The following SEPTIN9 variants were observed in gnomAD, a reference collection of about 807,000 sequenced individuals.
The protein encoded by SEPTIN9 is septin 9, also known as septin-9.
In SEPTIN9, 13 loss-of-function variants were observed where a neutral mutation model predicts 56.6. The ratio of observed to expected loss-of-function variants is 0.23; its 90% CI spans 0.15 to 0.37. SEPTIN9 has a LOEUF of 0.37. SEPTIN9 is among the 10% of genes least tolerant of loss of function. SEPTIN9 has a pLI of 1.00. For synonymous variants in SEPTIN9, 332 were observed against 334.1 expected, an observed-to-expected ratio of 0.99 and a Z score of 0.07; for missense variants, 650 against 823.1, an observed-to-expected ratio of 0.79 and a Z score of 2.57.
intron 3 of SEPTIN9, among the ~76,000 whole-genome samples, chr17:77,479,108 T>C (rs2039342310): frequency 6.6e-6 from 1 of 152,248 alleles, no homozygotes; most frequent in Non-Finnish European, 1.5e-5. Flanking sequence ...ACAATGCGAA[T>C]GTACTTAACA....
At chr17:77,490,715 A>G in intron 7 of SEPTIN9, 27 bp from the exon 8 acceptor site, 1 of 1,509,940 alleles carries the variant, frequency 6.6e-7, no homozygotes, top group Non-Finnish European at 9.0e-7. Context: ...CCCCCAGATG[A>G]GCCTCACGCA....
At position 77,425,504 on chromosome 17, in the gene SEPTIN9, G is replaced by A. The variant is rs151154517; in HGVS notation, c.721+22801G>A. Among the ~76,000 whole-genome samples, 6 of 152,178 alleles carry A rather than the reference G, an allele frequency of 3.9e-5. No homozygotes were observed. Among genetic ancestry groups the A allele is most frequent in the Non-Finnish European group, 5.9e-5 (4 of 68,034 alleles). Reference sequence around the variant, plus strand: ...CTCTGGTCATGGGGACGCTGCCTGGGGGGGGTTCCCTTACATGGAAGGAGC... The same window carrying A: ...CTCTGGTCATGGGGACGCTGCCTGGAGGGGGTTCCCTTACATGGAAGGAGC... On this transcript the variant is annotated intron_variant, in intron 3 of 11. Transcript: ENST00000427177. This position sits in a 1 kb window ranked among gnomAD's most constrained non-coding sequence, Gnocchi z 4.2.
chr17:77,485,009 ATGG>A (rs377457508), intron 4 of SEPTIN9, among the ~76,000 whole-genome samples: 16 of 5,762 alleles, frequency 2.8e-3, no homozygotes, highest in Non-Finnish European at 3.9e-3. Context: ...GAAGGGGGTG[ATGG>A]TGGTGATTGT....
intron 2 of SEPTIN9, among the ~76,000 whole-genome samples, chr17:77,397,801 C>A (rs562690336): frequency 1.2e-4 from 19 of 152,116 alleles, no homozygotes; most frequent in Non-Finnish European, 2.2e-4. Context: ...AGGCGCCCAC[C>A]CCCATGCCTA....
At chr17:77,311,156 CAGG>C (rs977833735) in intron 2 of SEPTIN9, among the ~76,000 whole-genome samples, 1 of 152,036 alleles carries the variant, frequency 6.6e-6, no homozygotes, top group Non-Finnish European at 1.5e-5. Flanking sequence ...CACGTGAAGG[CAGG>C]AGCAGATGAT....
intron 3 of SEPTIN9, among the ~76,000 whole-genome samples, chr17:77,431,108 C>T (rs11657093): frequency 0.41 from 61,946 of 152,036 alleles, 14,058 homozygotes; most frequent in East Asian, 0.77. Context: ...TGGGAGGCTG[C>T]GGTGGGAGAG....
chr17:77,450,547 C>T lies in SEPTIN9; in HGVS notation c.722-31597C>T, dbSNP rs150147858. 149 of 985,466 alleles carry T rather than the reference C, an allele frequency of 1.5e-4. No homozygotes were observed. In the East Asian group the frequency reaches 0.011, roughly 76 times the overall value. The allele number at this position is 985,466 out of a possible 1,614,324, so 61.0% of individuals were successfully genotyped here. A position where few individuals can be genotyped will look rare whatever the true frequency, so the allele number is the denominator to read the frequency against. ...GAGTGACTCACTTGGGTTCAGAGGT[C>T]GTGGCACTGAGATGGGTCTGGCAGA... On this transcript the variant is annotated intron_variant, in intron 3 of 11. Transcript: ENST00000427177. This position sits in a 1 kb window ranked among gnomAD's most constrained non-coding sequence, Gnocchi z 6.0.
At chr17:77,466,460 T>G (rs1194902304) in intron 3 of SEPTIN9, 1 of 985,380 alleles carries the variant, frequency 1.0e-6, no homozygotes, top group East Asian at 1.1e-4. Context: ...TTCCGGCTGC[T>G]GCCTGTGTTA....
At chr17:77,403,423 G>C (rs1201583223) in intron 3 of SEPTIN9, among the ~76,000 whole-genome samples, 2 of 152,226 alleles carry the variant, frequency 1.3e-5, no homozygotes, top group Non-Finnish European at 2.9e-5. Context: ...GAGGCCATGG[G>C]GCTCCAGCAG....
Position 77,482,598 on chromosome 17 carries a change from C to G in SEPTIN9, c.913+263C>G, listed in dbSNP as rs548196100. 5.9e-6 allele frequency: 4 copies of G among 672,486 alleles called. No individual in the cohort carries two copies. The African/African-American group carries it at 7.1e-5, about 12-fold the overall frequency. 41.7% of individuals were successfully genotyped at this position (672,486 alleles called of 1,614,324 possible). On this transcript the variant is annotated intron_variant, in intron 4 of 11. Transcript: ENST00000427177. Reference sequence around the variant, plus strand: ...TTGGGGAGCCCAGGCCGGCCTGGAGCAGGTCCTGATGAGTGGTCGCTGCCT... The same window carrying G: ...TTGGGGAGCCCAGGCCGGCCTGGAGGAGGTCCTGATGAGTGGTCGCTGCCT...
chr17:77,319,465 C>A lies in SEPTIN9; in HGVS notation c.76+12268C>A. 1 of 810,974 alleles carries A rather than the reference C, an allele frequency of 1.2e-6. No individual in the cohort carries two copies. The highest frequency in any genetic ancestry group is 1.5e-6 in the Non-Finnish European group (1 of 657,416). 50.2% of individuals were successfully genotyped at this position (810,974 alleles called of 1,614,324 possible). ...TCATGCGTGTGTGGTAGGAATCTTCCAGGAAGTCCCCGTCCCGTTCGCCCT... is the reference window on the plus strand; with the variant it reads ...TCATGCGTGTGTGGTAGGAATCTTCAAGGAAGTCCCCGTCCCGTTCGCCCT... On this transcript the variant is annotated intron_variant, in intron 2 of 11. Coordinates refer to ENST00000427177, the MANE Select transcript of SEPTIN9 (RefSeq NM_001113491.2). This position sits in a 1 kb window ranked among gnomAD's most constrained non-coding sequence, Gnocchi z 5.3.
intron 2 of SEPTIN9, among the ~76,000 whole-genome samples, chr17:77,355,332 G>A (rs1171979937): frequency 2.0e-5 from 3 of 152,310 alleles, no homozygotes; most frequent in South Asian, 4.1e-4. Flanking sequence ...TGGGCTGTGC[G>A]CCAGATCCCG....
intron 3 of SEPTIN9, among the ~76,000 whole-genome samples, chr17:77,454,912 C>CGGGGCTGCGGGAA (rs2038128706): frequency 6.6e-6 from 1 of 152,016 alleles, no homozygotes; most frequent in African/African-American, 2.4e-5. Context: ...CAGCCGACTC[C>CGGGGCTGCGGGAA]GGGGCTGCGG....
intron 2 of SEPTIN9, among the ~76,000 whole-genome samples, chr17:77,355,300 G>T (rs999194376): frequency 1.3e-5 from 2 of 152,194 alleles, no homozygotes; most frequent in Non-Finnish European, 2.9e-5. Flanking sequence ...AGCAGCTGGG[G>T]ATTGCCAGCG....
At chr17:77,349,168 C>T (rs2033980205) in intron 2 of SEPTIN9, among the ~76,000 whole-genome samples, 1 of 152,042 alleles carries the variant, frequency 6.6e-6, no homozygotes, top group African/African-American at 2.4e-5. Context: ...GGTGTGATTT[C>T]AAAACTCCTG....
At chr17:77,480,234 G>A (rs1350681545) in intron 3 of SEPTIN9, among the ~76,000 whole-genome samples, 1 of 152,190 alleles carries the variant, frequency 6.6e-6, no homozygotes, top group Non-Finnish European at 1.5e-5. Flanking sequence ...GAATTCCTGT[G>A]CCCTGTGGAG....
At chr17:77,290,935 A>G (rs1056993606) in intron 1 of SEPTIN9, among the ~76,000 whole-genome samples, 1 of 151,122 alleles carries the variant, frequency 6.6e-6, no homozygotes, top group Non-Finnish European at 1.5e-5. Flanking sequence ...TGGCGTGATC[A>G]TGACCTCCCA....
Position 77,335,439 on chromosome 17 carries a change from A to G in SEPTIN9, c.76+28242A>G, listed in dbSNP as rs35624411. Among the ~76,000 whole-genome samples the G allele has an allele frequency of 5.3e-3, 766 of 145,494 alleles. 7 individuals are homozygous for G. Among genetic ancestry groups the G allele is most frequent in the African/African-American group, 0.018 (687 of 37,788 alleles). ...ATGTACATATATACATGTAGGCCCC[A>G]TGTTGACTGTATATGTGGTCTTGTA... On this transcript the variant is annotated intron_variant, in intron 2 of 11. Coordinates refer to ENST00000427177, the MANE Select transcript of SEPTIN9 (RefSeq NM_001113491.2).
Position 77,490,736 on chromosome 17 carries a change from C to T in SEPTIN9, c.1263-6C>T, listed in dbSNP as rs2143388182. On this transcript the variant is annotated splice_region_variant and splice_polypyrimidine_tract_variant and intron_variant, in intron 7 of 11. Coordinates refer to ENST00000427177, the MANE Select transcript of SEPTIN9 (RefSeq NM_001113491.2). ...GATGAGCCTCACGCACATCCCTCTG[C>T]TTCAGCCTCAGGCCCCTGGACATCG... is the stretch of plus-strand genomic sequence containing the variant. 1 of 1,560,218 alleles carries T rather than the reference C, an allele frequency of 6.4e-7. No individual in the cohort carries two copies. The highest frequency in any genetic ancestry group is 1.9e-5 in the Admixed American group (1 of 52,426).
Sources: allele counts gnomAD v4.1 joint callset (sites outside exome capture counted in the v4.1 genomes callset), GRCh38; gene constraint gnomAD v4.1.1; non-coding constraint Gnocchi (gnomAD v3.1); transcripts MANE v1.5; gene names NCBI Gene and HGNC (gene_info 2026-07-23, HGNC 2026-07-21).